Variants in TCF12 observed in about 807,000 individuals in gnomAD.
The protein encoded by TCF12 is transcription factor 12, also known as DNA-binding protein HTF4.
A neutral mutation model predicts 86.0 loss-of-function variants in TCF12; 45 were observed. The observed-to-expected ratio is 0.52, with a 90% confidence interval of 0.41 to 0.67. The LOEUF (loss-of-function observed/expected upper bound fraction) is 0.67, where lower values mean the gene tolerates loss of function less well. TCF12 is among the 30% of genes least tolerant of loss of function. The pLI, the probability that TCF12 is intolerant of heterozygous loss-of-function variation, is 0.00. For synonymous variants in TCF12, 330 were observed against 299.6 expected, an observed-to-expected ratio of 1.10 and a Z score of -1.05; for missense variants, 881 against 859.9, an observed-to-expected ratio of 1.02 and a Z score of -0.31.
intron 3 of TCF12, among the ~76,000 whole-genome samples, chr15:57,007,894 C>CTTCCTTCA (rs2064548371): frequency 1.1e-5 from 1 of 91,816 alleles, no homozygotes; most frequent in Non-Finnish European, 2.2e-5. Context: ...TCCTTCCTTC[C>CTTCCTTCA]TTCCTTCCTT....
chr15:57,080,109 C>G (rs1452318976), intron 4 of TCF12, among the ~76,000 whole-genome samples: 3 of 152,160 alleles, frequency 2.0e-5, no homozygotes, highest in African/African-American at 7.2e-5. Flanking sequence ...CTTCAGTAAG[C>G]TGCTCATTGA....
intron 3 of TCF12, among the ~76,000 whole-genome samples, chr15:56,934,944 G>A (rs1219508536): frequency 2.0e-5 from 3 of 152,148 alleles, no homozygotes; most frequent in African/African-American, 7.2e-5. Flanking sequence ...AAATTTTGGG[G>A]CTTCTGTCTC....
chr15:57,007,814 C>T (rs1285897827), intron 3 of TCF12, among the ~76,000 whole-genome samples: 1 of 133,752 alleles, frequency 7.5e-6, no homozygotes, highest in Non-Finnish European at 1.6e-5. Flanking sequence ...TTCTTTCTTT[C>T]TTTCTTTTTC....
At chr15:56,937,124 G>A (rs368581595) in intron 3 of TCF12, among the ~76,000 whole-genome samples, 1 of 152,050 alleles carries the variant, frequency 6.6e-6, no homozygotes, top group African/African-American at 2.4e-5. Context: ...TTGTGTTCCC[G>A]TTTGTGTCAT....
At chr15:57,018,817 G>C (rs569829533) in intron 3 of TCF12, among the ~76,000 whole-genome samples, 1 of 152,290 alleles carries the variant, frequency 6.6e-6, no homozygotes, top group Admixed American at 6.5e-5. Context: ...AAACAAAAGA[G>C]AGAGATTGAA....
chr15:57,175,522 A>G (rs1345258550), intron 6 of TCF12, among the ~76,000 whole-genome samples: 1 of 152,202 alleles, frequency 6.6e-6, no homozygotes, highest in African/African-American at 2.4e-5. Context: ...CTTTGTAACA[A>G]GATTACACTG....
intron 5 of TCF12, among the ~76,000 whole-genome samples, chr15:57,124,000 T>C (rs75323235): frequency 0.026 from 3,501 of 136,596 alleles, 153 homozygotes; most frequent in African/African-American, 0.093. Context: ...TTTTTTTCCA[T>C]AGGGACACAG....
At chr15:57,058,444 A>G (rs563587159) in intron 3 of TCF12, among the ~76,000 whole-genome samples, 97 of 152,350 alleles carry the variant, frequency 6.4e-4, no homozygotes, top group Non-Finnish European at 6.8e-4. Flanking sequence ...GTACTGTGGC[A>G]CTAAAAACTT....
chr15:57,124,813 A>G (rs1362488400), intron 5 of TCF12, among the ~76,000 whole-genome samples: 1 of 151,632 alleles, frequency 6.6e-6, no homozygotes, highest in African/African-American at 2.4e-5. Flanking sequence ...GAGTAGCTGG[A>G]ACTACAGGTG....
chr15:57,018,457 ATTTATT>A (rs1448897693), intron 3 of TCF12, among the ~76,000 whole-genome samples: 1 of 151,696 alleles, frequency 6.6e-6, no homozygotes, highest in Non-Finnish European at 1.5e-5. Context: ...GGATTTATTT[ATTTATT>A]TTTATTTTTA....
chr15:56,947,571 C>G (rs2061065143), intron 3 of TCF12, among the ~76,000 whole-genome samples: 1 of 152,126 alleles, frequency 6.6e-6, no homozygotes. Flanking sequence ...TCTTTTTTCT[C>G]AGGGATCACA....
intron 3 of TCF12, among the ~76,000 whole-genome samples, chr15:56,931,453 C>T (rs1057050733): frequency 6.6e-6 from 1 of 152,106 alleles, no homozygotes; most frequent in Non-Finnish European, 1.5e-5. Flanking sequence ...TATATGATCT[C>T]TACCATAAGG....
intron 8 of TCF12, among the ~76,000 whole-genome samples, chr15:57,200,386 T>C (rs184783243): frequency 6.6e-6 from 1 of 152,274 alleles, no homozygotes; most frequent in East Asian, 1.9e-4. Context: ...TTCAGAGCTT[T>C]TATTGAAAAA....
intron 5 of TCF12, among the ~76,000 whole-genome samples, chr15:57,108,144 C>T (rs556993166): frequency 1.2e-4 from 18 of 152,104 alleles, no homozygotes; most frequent in African/African-American, 4.3e-4. Flanking sequence ...TGAGAATATT[C>T]AAAAATCAAG....
intron 3 of TCF12, among the ~76,000 whole-genome samples, chr15:57,018,570 C>T (rs556295401): frequency 6.6e-6 from 1 of 152,162 alleles, no homozygotes; most frequent in South Asian, 2.1e-4. Flanking sequence ...TCAAGCCAGC[C>T]TCTCACCTCA....
At chr15:57,227,652 T>C (rs538930609) in intron 8 of TCF12, among the ~76,000 whole-genome samples, 1 of 152,180 alleles carries the variant, frequency 6.6e-6, no homozygotes, top group South Asian at 2.1e-4. Context: ...CTGTTAGATT[T>C]TCTATTTTAT....
intron 4 of TCF12, among the ~76,000 whole-genome samples, chr15:57,077,657 C>G (rs1171236532): frequency 2.0e-5 from 3 of 150,506 alleles, no homozygotes; most frequent in Admixed American, 2.0e-4. Flanking sequence ...GTCTCGAACT[C>G]CTGACCTGAA....
At chr15:57,027,003 A>G (rs1443480899) in intron 3 of TCF12, among the ~76,000 whole-genome samples, 1 of 151,688 alleles carries the variant, frequency 6.6e-6, no homozygotes, top group Non-Finnish European at 1.5e-5. Context: ...ATTGGTTTTT[A>G]TTTTGTTGTA....
intron 3 of TCF12, among the ~76,000 whole-genome samples, chr15:57,061,347 C>T (rs1223134700): frequency 6.6e-6 from 1 of 152,078 alleles, no homozygotes; most frequent in Non-Finnish European, 1.5e-5. Context: ...GATCCCAGCA[C>T]TTTAGGAGGC....
Sources: gnomAD v4.1 joint callset for allele counts (sites outside exome capture counted in the v4.1 genomes callset) on GRCh38, gnomAD v4.1.1 for gene constraint, MANE v1.5 for transcripts, NCBI Gene and HGNC (gene_info 2026-07-23, HGNC 2026-07-21) for gene names.